TBC1D9: variants seen among roughly 807,000 people sequenced by gnomAD.
TBC1D9 encodes TBC1 domain family member 9A.
A neutral mutation model predicts 132.0 loss-of-function variants in TBC1D9; 63 were observed. That is an observed-to-expected ratio of 0.48 (90% confidence interval 0.39 to 0.59). TBC1D9 has a LOEUF of 0.59. Ranked by LOEUF, TBC1D9 falls within the 20% of genes least tolerant of loss-of-function variation. The pLI is 0.00. For missense variants in TBC1D9, 1,261 were observed against 1,592.7 expected, an observed-to-expected ratio of 0.79 and a Z score of 3.54; for synonymous variants, 610 against 609.9, an observed-to-expected ratio of 1.00 and a Z score of 0.00.
rs1385673925 is a variant in TBC1D9, at chr4:140,687,364, A to G, written c.242-902T>C. ...GTGTCATATATATATATATATATATATATATATATATATATATATATATAT... is the reference window on the plus strand; with the variant it reads ...GTGTCATATATATATATATATATATGTATATATATATATATATATATATAT... On this transcript the variant is annotated intron_variant, in intron 2 of 20. Transcript: ENST00000442267. Among the ~76,000 whole-genome samples, 18 of 63,792 alleles carry G rather than the reference A, an allele frequency of 2.8e-4. 2 individuals carry two copies. Among genetic ancestry groups the G allele is most frequent in the East Asian group, 1.3e-3 (3 of 2,302 alleles). The allele number at this position is 63,792 out of a possible 152,430, so 41.9% of individuals were successfully genotyped here.
intron 2 of TBC1D9, among the ~76,000 whole-genome samples, chr4:140,691,616 C>A (rs1477763444): frequency 6.6e-6 from 1 of 152,162 alleles, no homozygotes; most frequent in East Asian, 1.9e-4. Flanking sequence ...TAACAAAGAA[C>A]CCTGATGTTG....
intron 1 of TBC1D9, among the ~76,000 whole-genome samples, chr4:140,733,325 A>G (rs1043197751): frequency 3.9e-5 from 6 of 152,146 alleles, no homozygotes; most frequent in Non-Finnish European, 8.8e-5. Context: ...AGAGTTATTA[A>G]ATGTCCAGAT....
chr4:140,729,238 A>G (rs1474763194), intron 1 of TBC1D9, among the ~76,000 whole-genome samples: 1 of 152,202 alleles, frequency 6.6e-6, no homozygotes, highest in African/African-American at 2.4e-5. Context: ...TCTACGTAAA[A>G]GTAAAATTAC....
At chr4:140,650,296 CA>C (rs1737169395) in intron 13 of TBC1D9, among the ~76,000 whole-genome samples, 1 of 152,176 alleles carries the variant, frequency 6.6e-6, no homozygotes. Flanking sequence ...TTATAAAAAA[CA>C]GTAATCTTCA....
chr4:140,696,895 T>C (rs780560465), intron 2 of TBC1D9, among the ~76,000 whole-genome samples: 2 of 152,162 alleles, frequency 1.3e-5, no homozygotes, highest in Non-Finnish European at 2.9e-5. Flanking sequence ...TCCTAGCAAA[T>C]TAGAAGTTTT....
chr4:140,737,169 G>C (rs1738687042), intron 1 of TBC1D9, among the ~76,000 whole-genome samples: 1 of 152,118 alleles, frequency 6.6e-6, no homozygotes, highest in African/African-American at 2.4e-5. Flanking sequence ...TCTGACAGGA[G>C]GCAGAGCTCA....
intron 13 of TBC1D9, among the ~76,000 whole-genome samples, chr4:140,655,925 C>T (rs1737260087): frequency 6.6e-6 from 1 of 152,166 alleles, no homozygotes; most frequent in Non-Finnish European, 1.5e-5. Flanking sequence ...CCCATCCCTA[C>T]TCTCAACAGC....
chr4:140,641,111 AAAAC>A (rs1736985760), intron 13 of TBC1D9, among the ~76,000 whole-genome samples: 1 of 149,144 alleles, frequency 6.7e-6, no homozygotes, highest in African/African-American at 2.5e-5. Flanking sequence ...AAAACAAAAA[AAAAC>A]AGAAGCAAAA....
intron 1 of TBC1D9, among the ~76,000 whole-genome samples, chr4:140,754,614 C>CAAAAAAAAA (rs34471976): frequency 3.4e-4 from 8 of 23,266 alleles, no homozygotes; most frequent in Non-Finnish European, 3.6e-4. Flanking sequence ...GACTCTGTCT[C>CAAAAAAAAA]AAAAAAAAAA....
At chr4:140,674,363 T>C (rs1337344331) in intron 6 of TBC1D9, among the ~76,000 whole-genome samples, 1 of 152,214 alleles carries the variant, frequency 6.6e-6, no homozygotes, top group Non-Finnish European at 1.5e-5. Context: ...CATTTTTCAT[T>C]CTTTTTGATT....
Position 140,676,950 on chromosome 4 carries a change from T to G in TBC1D9, c.1003A>C (p.Ile335Leu), listed in dbSNP as rs767397382. The change falls in exon 6 of 21, where the codon ATC (isoleucine) becomes CTC (leucine). Residue 335 changes from isoleucine to leucine, a missense_variant. By Grantham distance (5) the Ile-to-Leu change is conservative. Around this residue, in one of 3 missense-constraint regions of TBC1D9, gnomAD observed 550 missense variants for 699.0 expected, o/e 0.79. Transcript: ENST00000442267. The stretch of plus-strand genomic sequence containing the variant: ...TTCTCCTCCTTGCTGGTAAAACAGA[T>G]GTAATTTGTGGACACAAACATCTGC... Reference protein sequence around the residue: ...LGQMFVSTNYICFTSKEENLC... With the variant: ...LGQMFVSTNYLCFTSKEENLC... 8.7e-6 allele frequency: 14 copies of G among 1,613,892 alleles called. No individual in the cohort carries two copies.
chr4:140,669,650 T>G lies in TBC1D9; in HGVS notation c.1421A>C (p.Glu474Ala). The G allele has an allele frequency of 6.2e-7, 1 of 1,610,134 alleles. No homozygotes were observed. The highest frequency in any genetic ancestry group is 8.5e-7 in the Non-Finnish European group (1 of 1,176,768). ...GGCACCCACCAATTTCGGGTTGAAC[T>G]CCTCGGGAGACCGCCGCCGATACAT... The part of the protein sequence containing the change: ...MTMYRRRSPE[E>A]FNPKLAKEFL... The change falls in exon 8 of 21, where the codon GAG becomes GCG. Residue 474 changes from glutamate to alanine, a missense_variant. By Grantham distance (107) the Glu-to-Ala change is moderately radical. Transcript: ENST00000442267.
At chr4:140,627,360 C>A in intron 18 of TBC1D9, 81 bp downstream of exon 18, 1 of 870,466 alleles carries the variant, frequency 1.1e-6, no homozygotes, top group Non-Finnish European at 1.8e-6. Flanking sequence ...GATTGACTAG[C>A]TTTGGAGGCA....
At chr4:140,713,941 A>T (rs925652316) in intron 1 of TBC1D9, among the ~76,000 whole-genome samples, 1 of 152,168 alleles carries the variant, frequency 6.6e-6, no homozygotes, top group African/African-American at 2.4e-5. Flanking sequence ...CTACTATAAG[A>T]GTTTGTAAAT....
chr4:140,711,824 A>G (rs1263613007), intron 1 of TBC1D9, among the ~76,000 whole-genome samples: 1 of 152,234 alleles, frequency 6.6e-6, no homozygotes, highest in Non-Finnish European at 1.5e-5. Flanking sequence ...TATAACCTAT[A>G]TTACAAATTA....
At chr4:140,678,798 C>T in intron 5 of TBC1D9, 144 bp downstream of exon 5, 1 of 993,464 alleles carries the variant, frequency 1.0e-6, no homozygotes, top group Non-Finnish European at 1.5e-6. Context: ...GGTAGCACCT[C>T]AGCTAGTCTT....
At chr4:140,745,233 G>T (rs1738820061) in intron 1 of TBC1D9, among the ~76,000 whole-genome samples, 1 of 152,138 alleles carries the variant, frequency 6.6e-6, no homozygotes, top group South Asian at 2.1e-4. Context: ...AATGTGCCTT[G>T]GACCACAGTC....
chr4:140,628,368 A>G lies in TBC1D9; in HGVS notation c.2747-3T>C. On this transcript the variant is annotated splice_region_variant and splice_polypyrimidine_tract_variant and intron_variant, in intron 16 of 20. Coordinates refer to ENST00000442267, the MANE Select transcript of TBC1D9 (RefSeq NM_015130.3). ...GAGGTCCCCATGGCATGCAGCACCT[A>G]GAAGTCACATAAGTACCAATGTGAA... is the stretch of plus-strand genomic sequence containing the variant. The G allele has an allele frequency of 6.2e-7, 1 of 1,613,642 alleles. No homozygotes were observed. Among genetic ancestry groups the G allele is most frequent in the Non-Finnish European group, 8.5e-7 (1 of 1,179,534 alleles).
At chr4:140,642,489 C>G in intron 13 of TBC1D9, 1 of 1,081,848 alleles carries the variant, frequency 9.2e-7, no homozygotes, top group Non-Finnish European at 1.4e-6. Context: ...TTGATTTCCC[C>G]CCAGCACTGT....
Sources: gnomAD v4.1 joint callset for allele counts (sites outside exome capture counted in the v4.1 genomes callset) on GRCh38, gnomAD v4.1.1 for gene constraint, gnomAD v4.1.1 regional missense constraint, MANE v1.5 for transcripts, NCBI Gene and HGNC (gene_info 2026-07-23, HGNC 2026-07-21) for gene names.